Variants in SCFD1 observed in about 807,000 individuals in gnomAD.
SCFD1 encodes the protein sec1 family domain containing 1, also known as sec1 family domain-containing protein 1.
Under a neutral mutation model 103.2 loss-of-function variants are expected in SCFD1, and 37 were observed. That is an observed-to-expected ratio of 0.36 (90% CI 0.28 to 0.47). The LOEUF is 0.47. Among genes scored for constraint, SCFD1 ranks in the 20% least tolerant of loss-of-function variants. The pLI, the probability that SCFD1 is intolerant of heterozygous loss-of-function variation, is 1.00. For synonymous variants in SCFD1, 264 were observed against 245.0 expected (o/e 1.08, Z -0.73); for missense variants, 639 against 761.2 (o/e 0.84, Z 1.89).
At chr14:30,658,933 T>C (rs796490078) in intron 10 of SCFD1, among the ~76,000 whole-genome samples, 3 of 152,206 alleles carry the variant, frequency 2.0e-5, no homozygotes, top group Admixed American at 1.3e-4. Context: ...ATGTAAACTT[T>C]TACTCATTTA....
chr14:30,701,825 T>A (rs1891100731), intron 16 of SCFD1, among the ~76,000 whole-genome samples: 1 of 151,908 alleles, frequency 6.6e-6, no homozygotes, highest in Non-Finnish European at 1.5e-5. Context: ...AAAAAAAATT[T>A]AAAAGTGCGG....
rs375310421 is a variant in SCFD1 at position 30,681,351 on chromosome 14, G to A, written c.1242+6286G>A. ...ATCATAAAGCAGTTTTCAGTATTTC[G>A]TGATAATAAGGTCACTTCTGTTTAT... On this transcript the variant is annotated intron_variant, in intron 14 of 24. Transcript: ENST00000458591. 4.6e-5 allele frequency among the ~76,000 whole-genome samples: 7 copies of A among 151,882 alleles called. No individual in the cohort carries two copies. The South Asian group carries it at 1.0e-3, about 23-fold the overall frequency.
intron 19 of SCFD1, among the ~76,000 whole-genome samples, chr14:30,712,239 C>T (rs1272182069): frequency 2.0e-5 from 3 of 152,268 alleles, no homozygotes; most frequent in East Asian, 1.9e-4. Flanking sequence ...TCAAGATAAG[C>T]GTCCTCTTAC....
At chr14:30,714,465 T>C (rs1892136898) in intron 19 of SCFD1, among the ~76,000 whole-genome samples, 1 of 152,226 alleles carries the variant, frequency 6.6e-6, no homozygotes. Flanking sequence ...ATGCTTGTAT[T>C]TATATTTGAA....
Position 30,660,302 on chromosome 14 carries a change from CTAAT to C in SCFD1, c.855+6716_855+6719del, listed in dbSNP as rs375568879. Among the ~76,000 whole-genome samples the C allele has an allele frequency of 5.5e-4, 84 of 152,262 alleles. No homozygotes were observed. In the South Asian group the frequency reaches 7.9e-3, roughly 14 times the overall value. Reference sequence around the variant, plus strand: ...TTGTATTCCCGATACTTTCTGTAAACTAATTGATTGTGGAAATTGATTAGATCTC... The same window carrying C: ...TTGTATTCCCGATACTTTCTGTAAACTGATTGTGGAAATTGATTAGATCTC... On this transcript the variant is annotated intron_variant, in intron 10 of 24. Transcript: ENST00000458591.
intron 14 of SCFD1, among the ~76,000 whole-genome samples, chr14:30,679,011 T>G (rs972570372): frequency 6.6e-6 from 1 of 152,146 alleles, no homozygotes; most frequent in East Asian, 1.9e-4. Flanking sequence ...GAGGACTGAC[T>G]TTTTATTTTT....
intron 6 of SCFD1, 92 bp downstream of exon 6, chr14:30,639,956 A>C: frequency 7.2e-7 from 1 of 1,389,004 alleles, no homozygotes; most frequent in Non-Finnish European, 9.5e-7. Flanking sequence ...GGACTTCAAA[A>C]CCAGCTTGTT....
chr14:30,674,922 G>A, intron 13 of SCFD1, 62 bp from the exon 14 acceptor site: 1 of 950,956 alleles, frequency 1.1e-6, no homozygotes, highest in South Asian at 1.7e-5. Context: ...CCAGGCATGA[G>A]ATAAAGTCTA....
At chr14:30,703,962 T>TATATATATAA (rs1566646075) in intron 17 of SCFD1, among the ~76,000 whole-genome samples, 1 of 42,364 alleles carries the variant, frequency 2.4e-5, no homozygotes, top group Non-Finnish European at 3.4e-5. Flanking sequence ...TATATATATA[T>TATATATATAA]AAATAATGAG....
At chr14:30,694,068 AAAAC>A (rs1387621162) in intron 14 of SCFD1, among the ~76,000 whole-genome samples, 4 of 152,182 alleles carry the variant, frequency 2.6e-5, no homozygotes, top group African/African-American at 9.7e-5. Flanking sequence ...TTTTTTTAAA[AAAAC>A]AAAAAGGACA....
At chr14:30,684,291 G>A (rs2139270334) in intron 14 of SCFD1, among the ~76,000 whole-genome samples, 1 of 152,310 alleles carries the variant, frequency 6.6e-6, no homozygotes, top group Admixed American at 6.5e-5. Flanking sequence ...GATTACAGGT[G>A]CATGCCACAG....
intron 14 of SCFD1, among the ~76,000 whole-genome samples, chr14:30,694,154 A>G (rs1393319207): frequency 6.6e-6 from 1 of 152,232 alleles, no homozygotes; most frequent in East Asian, 1.9e-4. Flanking sequence ...AAAATAGTAA[A>G]CATAACTTGA....
intron 9 of SCFD1, among the ~76,000 whole-genome samples, chr14:30,651,972 C>A (rs1331418218): frequency 1.3e-5 from 2 of 152,092 alleles, no homozygotes; most frequent in Admixed American, 6.6e-5. Context: ...ACACCACAAC[C>A]CCCTATAACA....
intron 23 of SCFD1, among the ~76,000 whole-genome samples, chr14:30,725,081 G>C (rs995894345): frequency 6.6e-6 from 1 of 152,112 alleles, no homozygotes; most frequent in South Asian, 2.1e-4. Flanking sequence ...TTTGGCTACT[G>C]TATAGCCCTG....
chr14:30,707,318 G>A (rs1891537469), intron 18 of SCFD1, among the ~76,000 whole-genome samples: 1 of 152,174 alleles, frequency 6.6e-6, no homozygotes, highest in Non-Finnish European at 1.5e-5. Context: ...GAGACTGTTT[G>A]AACCACAGAT....
chr14:30,696,753 C>T (rs1037161829), intron 15 of SCFD1, among the ~76,000 whole-genome samples: 1 of 151,972 alleles, frequency 6.6e-6, no homozygotes, highest in African/African-American at 2.4e-5. Context: ...TGAGGTGAGA[C>T]GTATGTCTAG....
rs1364741928 is a variant in SCFD1, at chr14:30,702,293, C to T, written c.1411-3C>T. ...TTGTCATATAGTTCTTTTCTTATTT[C>T]AGGCTGATTTGGAGCAATATAAAAA... On this transcript the variant is annotated splice_region_variant and splice_polypyrimidine_tract_variant and intron_variant, in intron 16 of 24. Coordinates refer to ENST00000458591, the MANE Select transcript of SCFD1 (RefSeq NM_016106.4). 1.9e-6 allele frequency: 3 copies of T among 1,581,040 alleles called. No individual in the cohort carries two copies. Among genetic ancestry groups the T allele is most frequent in the Non-Finnish European group, 1.7e-6 (2 of 1,161,734 alleles).
intron 10 of SCFD1, among the ~76,000 whole-genome samples, chr14:30,659,087 T>C (rs1268539469): frequency 6.6e-6 from 1 of 152,064 alleles, no homozygotes; most frequent in African/African-American, 2.4e-5. Flanking sequence ...TATTTGTTGC[T>C]GTGTCTGAAC....
At chr14:30,672,026 A>G (rs1888591856) in intron 11 of SCFD1, among the ~76,000 whole-genome samples, 2 of 151,682 alleles carry the variant, frequency 1.3e-5, no homozygotes, top group South Asian at 2.1e-4. Flanking sequence ...AAAAAAAAAA[A>G]AAGAAAGAAA....
Sources: allele counts gnomAD v4.1 joint callset (sites outside exome capture counted in the v4.1 genomes callset), GRCh38; gene constraint gnomAD v4.1.1; transcripts MANE v1.5; gene names NCBI Gene and HGNC (gene_info 2026-07-23, HGNC 2026-07-21).